TEX264: variants seen among roughly 807,000 people sequenced by gnomAD.
TEX264 encodes testis expressed 264, ER-phagy receptor, also known as testis-expressed protein 264.
TEX264 carries 13 observed loss-of-function variants against 23.4 expected under a neutral mutation model. The ratio of observed to expected loss-of-function variants is 0.56; its 90% CI spans 0.36 to 0.88. TEX264 has a LOEUF of 0.88. Among genes scored for constraint, TEX264 ranks in the 40% least tolerant of loss-of-function variants. The pLI is 0.01. For synonymous variants in TEX264, 159 were observed against 170.0 expected, an observed-to-expected ratio of 0.94 and a Z score of 0.50; for missense variants, 340 against 406.8, an observed-to-expected ratio of 0.84 and a Z score of 1.41.
chr3:51,697,292 G>A (rs1484381893), intron 3 of TEX264, among the ~76,000 whole-genome samples: 3 of 152,208 alleles, frequency 2.0e-5, no homozygotes, highest in Non-Finnish European at 4.4e-5. Context: ...GGGAGAGGGT[G>A]GAAAGAGCAG....
Position 51,675,484 on chromosome 3 carries a change from A to G in TEX264, c.258+922A>G, listed in dbSNP as rs1022205495. The stretch of plus-strand genomic sequence containing the variant: ...GGCTTACTGGGGCACTAGTTGAAAC[A>G]GGATGTACTGGTTCCCTCTCTGTGC... On this transcript the variant is annotated intron_variant, in intron 2 of 4. Coordinates refer to ENST00000341333, the MANE Select transcript of TEX264 (RefSeq NM_015926.6). Among the ~76,000 whole-genome samples the G allele has an allele frequency of 5.6e-4, 85 of 152,220 alleles. 1 individual carries two copies. The highest frequency in any genetic ancestry group is 3.4e-4 in the African/African-American group (14 of 41,458).
intron 3 of TEX264, among the ~76,000 whole-genome samples, chr3:51,688,586 T>G (rs1032758524): frequency 1.3e-5 from 2 of 152,194 alleles, no homozygotes; most frequent in African/African-American, 4.8e-5. Context: ...GGGGAGGGTC[T>G]TTGTAAAATG....
chr3:51,699,314 A>G, intron 3 of TEX264, 92 bp from the exon 4 acceptor site: 1 of 1,371,644 alleles, frequency 7.3e-7, no homozygotes, highest in Non-Finnish European at 1.0e-6. Flanking sequence ...CCTGGGACAG[A>G]ATAGGTAATA....
At chr3:51,689,601 C>A (rs954569218) in intron 3 of TEX264, among the ~76,000 whole-genome samples, 7 of 152,142 alleles carry the variant, frequency 4.6e-5, no homozygotes, top group Admixed American at 1.3e-4. Context: ...TTTCCTGCTT[C>A]ACCTGGAGTA....
intron 2 of TEX264, among the ~76,000 whole-genome samples, chr3:51,678,690 G>C (rs1157422334): frequency 6.6e-6 from 1 of 152,182 alleles, no homozygotes; most frequent in Non-Finnish European, 1.5e-5. Flanking sequence ...GGGCCACTAG[G>C]TCTGCAGGGG....
At chr3:51,701,096 G>A (rs1266592075) in intron 4 of TEX264, among the ~76,000 whole-genome samples, 1 of 152,208 alleles carries the variant, frequency 6.6e-6, no homozygotes. Context: ...TCAGAGAGGC[G>A]ATGAATATTT....
intron 2 of TEX264, among the ~76,000 whole-genome samples, chr3:51,680,715 C>A (rs149620483): frequency 2.6e-3 from 398 of 152,332 alleles, no homozygotes; most frequent in African/African-American, 9.3e-3. Flanking sequence ...AATAGCTGAT[C>A]TGGGGAGGAA....
At chr3:51,688,786 C>G (rs773166595) in intron 3 of TEX264, among the ~76,000 whole-genome samples, 2 of 152,022 alleles carry the variant, frequency 1.3e-5, no homozygotes, top group Non-Finnish European at 2.9e-5. Context: ...CCTTGGTGGC[C>G]GAATTCTGGG....
At chr3:51,698,087 T>C (rs998601157) in intron 3 of TEX264, among the ~76,000 whole-genome samples, 1 of 152,150 alleles carries the variant, frequency 6.6e-6, no homozygotes, top group African/African-American at 2.4e-5. Flanking sequence ...ACCTCCCGCG[T>C]GGCCTCCTAG....
intron 3 of TEX264, among the ~76,000 whole-genome samples, chr3:51,690,557 CAAAAAAAA>C (rs1301569354): frequency 5.4e-5 from 3 of 55,888 alleles, no homozygotes; most frequent in Non-Finnish European, 1.1e-4. Context: ...GACTCCGTCT[CAAAAAAAA>C]AAAAAAAAAA....
chr3:51,688,073 C>T (rs1577512448), intron 3 of TEX264, among the ~76,000 whole-genome samples: 1 of 152,234 alleles, frequency 6.6e-6, no homozygotes, highest in East Asian at 1.9e-4. Flanking sequence ...GGAATCCATG[C>T]GTACTGTGTG....
chr3:51,700,391 GT>G (rs1443115795), intron 4 of TEX264, among the ~76,000 whole-genome samples: 1 of 151,946 alleles, frequency 6.6e-6, no homozygotes, highest in African/African-American at 2.4e-5. Context: ...AACAGCCAAG[GT>G]CACCCTAGGG....
Position 51,703,762 on chromosome 3 carries a change from G to A in TEX264, c.688G>A (p.Glu230Lys). 1 of 1,604,474 alleles carries A rather than the reference G, an allele frequency of 6.2e-7. No homozygotes were observed. Among genetic ancestry groups the A allele is most frequent in the Non-Finnish European group, 8.5e-7 (1 of 1,172,518 alleles). ...GAGTGACACGAGTTCTGTAAGCTTG[G>A]AAGTGAGCCCTGGCAGCCGGGAGAC... ...TMSDTSSVSL[E>K]VSPGSRETSA... Residue 230 changes from glutamate (E) to lysine (K), a missense_variant, in exon 5 of 5, where the codon GAA (glutamate) becomes AAA (lysine). Coordinates refer to ENST00000341333, the MANE Select transcript of TEX264 (RefSeq NM_015926.6). The surrounding 1 kb of genome is among the most constrained non-coding windows in gnomAD (Gnocchi z 4.8).
intron 2 of TEX264, among the ~76,000 whole-genome samples, chr3:51,676,714 G>A (rs1702242004): frequency 6.6e-6 from 1 of 152,212 alleles, no homozygotes; most frequent in Non-Finnish European, 1.5e-5. Context: ...ATATAGGTGA[G>A]GCATTTACCC....
chr3:51,684,260 G>C (rs1702532618), intron 2 of TEX264, 153 bp from the exon 3 acceptor site: 1 of 675,184 alleles, frequency 1.5e-6, no homozygotes, highest in African/African-American at 1.8e-5. Context: ...GTTCCAGTAA[G>C]AAAATAGCTA....
At chr3:51,700,346 C>T (rs753796321) in intron 4 of TEX264, among the ~76,000 whole-genome samples, 2 of 152,074 alleles carry the variant, frequency 1.3e-5, no homozygotes, top group African/African-American at 2.4e-5. Context: ...CTCCTCTCCT[C>T]CTTCTTTAGC....
intron 4 of TEX264, among the ~76,000 whole-genome samples, chr3:51,700,561 CCTA>C (rs1296133721): frequency 6.6e-6 from 1 of 152,032 alleles, no homozygotes; most frequent in Non-Finnish European, 1.5e-5. Flanking sequence ...CTTCAGTGCC[CCTA>C]CTGTGGGCAC....
At chr3:51,687,409 C>T (rs1264467823) in intron 3 of TEX264, among the ~76,000 whole-genome samples, 1 of 152,194 alleles carries the variant, frequency 6.6e-6, no homozygotes, top group Non-Finnish European at 1.5e-5. Flanking sequence ...CAGGAGACAG[C>T]AAGGAGAGAG....
At chr3:51,679,420 A>T (rs1702346006) in intron 2 of TEX264, among the ~76,000 whole-genome samples, 1 of 152,114 alleles carries the variant, frequency 6.6e-6, no homozygotes, top group Non-Finnish European at 1.5e-5. Flanking sequence ...TGTCTGGGCC[A>T]TGTGAGGCGG....
Sources: gnomAD v4.1 joint callset for allele counts (sites outside exome capture counted in the v4.1 genomes callset) on GRCh38, gnomAD v4.1.1 for gene constraint, Gnocchi (gnomAD v3.1) non-coding constraint, MANE v1.5 for transcripts, NCBI Gene and HGNC (gene_info 2026-07-23, HGNC 2026-07-21) for gene names.